The following GLIS3 variants were observed in gnomAD, a reference collection of about 807,000 sequenced individuals.
GLIS3 encodes the protein GLIS family zinc finger 3, also known as zinc finger protein GLIS3.
In GLIS3, 53 loss-of-function variants were observed where a neutral mutation model predicts 78.6. The observed-to-expected ratio is 0.67, with a 90% CI of 0.54 to 0.85. GLIS3 has a LOEUF of 0.85. Among genes scored for constraint, GLIS3 ranks in the 40% least tolerant of loss-of-function variants. The probability of loss-of-function intolerance (pLI) is 0.00; values close to 1 mark genes in which losing one functional copy is unlikely to be tolerated. For missense variants in GLIS3, 1,703 were observed against 1,231.1 expected (o/e 1.38, Z -5.74); for synonymous variants, 684 against 509.9 (o/e 1.34, Z -4.60).
rs919787153 is a variant in GLIS3, at chr9:3,859,397, A to G, written c.2298-3213T>C. Reference sequence around the variant, plus strand: ...CACACACACACACACACACACACACACACATCAAAATGAATATGTTCTGAA... The same window carrying G: ...CACACACACACACACACACACACACGCACATCAAAATGAATATGTTCTGAA... On this transcript the variant is annotated intron_variant, in intron 8 of 10. Transcript: ENST00000381971. Among the ~76,000 whole-genome samples, 113 of 86,166 alleles carry G rather than the reference A, an allele frequency of 1.3e-3. 1 individual carries two copies. The highest frequency in any genetic ancestry group is 2.7e-3 in the Non-Finnish European group (101 of 37,484). The allele number at this position is 86,166 out of a possible 152,430, so 56.5% of individuals were successfully genotyped here. A position where few individuals can be genotyped will look rare whatever the true frequency, so the allele number is the denominator to read the frequency against.
At chr9:3,859,745 C>A (rs936727788) in intron 8 of GLIS3, among the ~76,000 whole-genome samples, 3 of 152,120 alleles carry the variant, frequency 2.0e-5, no homozygotes, top group Non-Finnish European at 4.4e-5. Flanking sequence ...TTAGTCTCTT[C>A]TTTAGCCTTT....
At chr9:4,052,073 A>T (rs1477147239) in intron 4 of GLIS3, among the ~76,000 whole-genome samples, 1 of 152,214 alleles carries the variant, frequency 6.6e-6, no homozygotes, top group Non-Finnish European at 1.5e-5. Flanking sequence ...TAAAAGAATC[A>T]ATGGAGAGAT....
chr9:4,052,884 T>G (rs1030011902), intron 4 of GLIS3, among the ~76,000 whole-genome samples: 86 of 152,202 alleles, frequency 5.7e-4, no homozygotes, highest in African/African-American at 1.9e-3. Flanking sequence ...GTTTAACCTA[T>G]GGAGGAACTG....
chr9:4,418,714 A>G, the GLIS3 span, among the ~76,000 whole-genome samples: 2 of 152,324 alleles, frequency 1.3e-5, no homozygotes, highest in South Asian at 2.1e-4. Flanking sequence ...ACAAACAAAA[A>G]AAAACATATT....
At chr9:4,367,633 C>CAAAAA in the GLIS3 span, among the ~76,000 whole-genome samples, 8 of 61,970 alleles carry the variant, frequency 1.3e-4, no homozygotes, top group African/African-American at 1.7e-4. Flanking sequence ...GACTCCATCT[C>CAAAAA]AAAAAAAAAA....
chr9:4,388,558 C>T, the GLIS3 span, among the ~76,000 whole-genome samples: 1 of 152,078 alleles, frequency 6.6e-6, no homozygotes, highest in Non-Finnish European at 1.5e-5. Context: ...TGCCTGTAAT[C>T]CCAGCTACGC....
At chr9:3,835,574 T>G (rs971125153) in intron 9 of GLIS3, among the ~76,000 whole-genome samples, 2 of 152,234 alleles carry the variant, frequency 1.3e-5, no homozygotes, top group Admixed American at 6.5e-5. Flanking sequence ...TTGTTTGACT[T>G]TTCAGAAGAA....
At chr9:4,470,074 T>C in the GLIS3 span, among the ~76,000 whole-genome samples, 1 of 152,194 alleles carries the variant, frequency 6.6e-6, no homozygotes, top group Non-Finnish European at 1.5e-5. Context: ...AATCTCTGAA[T>C]AGACCAATAA....
the GLIS3 span, among the ~76,000 whole-genome samples, chr9:4,404,333 A>T: frequency 6.6e-6 from 1 of 152,268 alleles, no homozygotes; most frequent in East Asian, 1.9e-4. Flanking sequence ...AAATCAACAA[A>T]TAAACATTGG....
At chr9:4,342,136 T>G (rs1379922329) in intron 2 of GLIS3, among the ~76,000 whole-genome samples, 1 of 152,342 alleles carries the variant, frequency 6.6e-6, no homozygotes, top group Non-Finnish European at 1.5e-5. Flanking sequence ...ATTATTGCTT[T>G]TGGCACTTTT....
At chr9:4,307,850 C>G (rs1383575693) in intron 4 of GLIS3, among the ~76,000 whole-genome samples, 1 of 152,192 alleles carries the variant, frequency 6.6e-6, no homozygotes, top group African/African-American at 2.4e-5. Flanking sequence ...GAAAGGCACA[C>G]AGCCCTGCCA....
chr9:4,414,747 C>A, the GLIS3 span, among the ~76,000 whole-genome samples: 1 of 152,052 alleles, frequency 6.6e-6, no homozygotes, highest in Non-Finnish European at 1.5e-5. Context: ...ATTGTTTTAG[C>A]CAGACTCTCC....
intron 4 of GLIS3, among the ~76,000 whole-genome samples, chr9:4,014,402 T>A (rs1822275480): frequency 6.6e-6 from 1 of 152,106 alleles, no homozygotes; most frequent in Non-Finnish European, 1.5e-5. Context: ...GCAGATGTAA[T>A]CAGTTAAGAG....
At chr9:4,467,446 A>T in the GLIS3 span, among the ~76,000 whole-genome samples, 1 of 152,098 alleles carries the variant, frequency 6.6e-6, no homozygotes, top group Non-Finnish European at 1.5e-5. Context: ...TAGAGGAAAG[A>T]TCAGGCAACA....
upstream of GLIS3, among the ~76,000 whole-genome samples, chr9:4,349,659 T>C (rs1817938433): frequency 6.6e-6 from 1 of 152,152 alleles, no homozygotes; most frequent in Admixed American, 6.5e-5. Context: ...ATTCCAGGAC[T>C]TCCAGACAAG....
At chr9:4,271,230 CTTACT>C (rs1826479870) in intron 2 of GLIS3, among the ~76,000 whole-genome samples, 1 of 152,098 alleles carries the variant, frequency 6.6e-6, no homozygotes, top group Admixed American at 6.5e-5. Context: ...TTTTCTCTGG[CTTACT>C]TTATTGTCAG....
At chr9:3,880,491 A>C (rs1363825060) in intron 7 of GLIS3, among the ~76,000 whole-genome samples, 2 of 152,174 alleles carry the variant, frequency 1.3e-5, no homozygotes. Flanking sequence ...CATTAGGCTG[A>C]TTCTCTTTAA....
At chr9:3,857,193 T>C (rs1388024084) in intron 8 of GLIS3, among the ~76,000 whole-genome samples, 1 of 152,220 alleles carries the variant, frequency 6.6e-6, no homozygotes. Context: ...ATGAATTGTT[T>C]AGTTTCCTCA....
At chr9:4,216,543 T>C (rs1032165682) in intron 2 of GLIS3, among the ~76,000 whole-genome samples, 2 of 148,428 alleles carry the variant, frequency 1.3e-5, no homozygotes, top group African/African-American at 5.0e-5. Context: ...GTGGGTTGAA[T>C]TGGAAAATTC....
Sources: gnomAD v4.1 joint callset for allele counts (sites outside exome capture counted in the v4.1 genomes callset) on GRCh38, gnomAD v4.1.1 for gene constraint, MANE v1.5 for transcripts, NCBI Gene and HGNC (gene_info 2026-07-23, HGNC 2026-07-21) for gene names.